MTHFD2L: variants seen among roughly 807,000 people sequenced by gnomAD.
MTHFD2L encodes methylenetetrahydrofolate dehydrogenase (NADP+ dependent) 2 like, also known as bifunctional methylenetetrahydrofolate dehydrogenase/cyclohydrolase 2, mitochondrial.
In MTHFD2L, 29 loss-of-function variants were observed where a neutral mutation model predicts 34.9. The ratio of observed to expected loss-of-function variants is 0.83; its 90% CI spans 0.62 to 1.13. The LOEUF (loss-of-function observed/expected upper bound fraction) is 1.13. MTHFD2L is among the 50% of genes most tolerant of loss of function. The probability of loss-of-function intolerance (pLI) is 0.00; values close to 1 mark genes in which losing one functional copy is unlikely to be tolerated. For synonymous variants in MTHFD2L, 167 were observed against 155.7 expected (o/e 1.07, Z -0.54); for missense variants, 481 against 446.5 (o/e 1.08, Z -0.70).
chr4:74,267,081 C>T (rs7665105), intron 6 of MTHFD2L: 258,752 of 984,182 alleles, frequency 0.26, 40,989 homozygotes, highest in African/African-American at 0.73. Flanking sequence ...TCCTTTTACA[C>T]ACTGAGCTTG....
At chr4:74,252,494 TAAA>T (rs776051383) in intron 6 of MTHFD2L, among the ~76,000 whole-genome samples, 2 of 151,434 alleles carry the variant, frequency 1.3e-5, no homozygotes, top group South Asian at 4.2e-4. Context: ...ATTATGAAGA[TAAA>T]AAAGGGATTA....
chr4:74,231,485 T>C (rs1046843667), intron 6 of MTHFD2L, among the ~76,000 whole-genome samples: 2 of 152,178 alleles, frequency 1.3e-5, no homozygotes, highest in African/African-American at 4.8e-5. Flanking sequence ...ATGGCTTCAC[T>C]CATACTATAG....
intron 5 of MTHFD2L, among the ~76,000 whole-genome samples, chr4:74,216,552 A>G (rs906361382): frequency 8.6e-5 from 13 of 151,856 alleles, no homozygotes; most frequent in Middle Eastern, 3.4e-3. Flanking sequence ...AGCTTTAAAT[A>G]TCATTTCTAT....
chr4:74,154,553 C>A (rs1724133381), upstream of MTHFD2L, among the ~76,000 whole-genome samples: 1 of 152,070 alleles, frequency 6.6e-6, no homozygotes, highest in African/African-American at 2.4e-5. Flanking sequence ...CTTTATTTTA[C>A]TACTCAAATT....
intron 3 of MTHFD2L, chr4:74,195,260 T>C (rs749024648): frequency 1.3e-5 from 2 of 152,210 alleles, no homozygotes; most frequent in Non-Finnish European, 2.9e-5. Context: ...GTTTGCAATT[T>C]TTAAGGTAAT....
At chr4:74,261,443 C>A (rs1192196791) in intron 6 of MTHFD2L, among the ~76,000 whole-genome samples, 1 of 151,954 alleles carries the variant, frequency 6.6e-6, no homozygotes, top group African/African-American at 2.4e-5. Context: ...ATAGAAAGAA[C>A]TTTTCAAATA....
rs907781517 is a variant in MTHFD2L, at chr4:74,302,751, T to A, written c.*942T>A. 6.6e-6 allele frequency: 1 copy of A among 152,192 alleles called. No homozygotes were observed. Among genetic ancestry groups the A allele is most frequent in the Non-Finnish European group, 1.5e-5 (1 of 68,028 alleles). The allele number at this position is 152,192 out of a possible 1,614,324, so 9.4% of individuals were successfully genotyped here. A position where few individuals can be genotyped will look rare whatever the true frequency, so the allele number is the denominator to read the frequency against. On this transcript the variant is annotated 3_prime_UTR_variant, in exon 8 of 8. Coordinates refer to ENST00000325278, the MANE Select transcript of MTHFD2L (RefSeq NM_001144978.3). ...TAATAGGAAAACATGATACTTTCAA[T>A]GTGCCAAAACTAAACCTTAGTATAC...
upstream of MTHFD2L, among the ~76,000 whole-genome samples, chr4:74,153,942 T>C (rs1724094859): frequency 1.3e-5 from 2 of 152,212 alleles, no homozygotes; most frequent in Admixed American, 6.5e-5. Flanking sequence ...CTTCTTCGTT[T>C]TTCTGTAATG....
At chr4:74,166,123 A>G (rs1441689120) in intron 1 of MTHFD2L, among the ~76,000 whole-genome samples, 3 of 152,222 alleles carry the variant, frequency 2.0e-5, no homozygotes, top group Non-Finnish European at 4.4e-5. Context: ...AGATGTATTT[A>G]TTTACTAATT....
intron 2 of MTHFD2L, 64 bp downstream of exon 2, chr4:74,174,754 A>T: frequency 1.8e-6 from 2 of 1,115,206 alleles, no homozygotes; most frequent in Non-Finnish European, 2.4e-6. Flanking sequence ...TCAAATTGTG[A>T]TAATTATGAA....
upstream of MTHFD2L, chr4:74,158,021 C>T: frequency 1.4e-6 from 2 of 1,449,278 alleles, no homozygotes; most frequent in African/African-American, 2.8e-5. Context: ...CGGAACCTGG[C>T]TGGGAAGCGC....
At chr4:74,225,690 G>T (rs1478591384) in intron 6 of MTHFD2L, among the ~76,000 whole-genome samples, 1 of 152,136 alleles carries the variant, frequency 6.6e-6, no homozygotes, top group African/African-American at 2.4e-5. Flanking sequence ...ACGGAAAAAG[G>T]TTGGTGCAGG....
chr4:74,166,869 C>T (rs979367885), intron 1 of MTHFD2L, among the ~76,000 whole-genome samples: 1 of 152,210 alleles, frequency 6.6e-6, no homozygotes, highest in African/African-American at 2.4e-5. Context: ...CCAAACTCTG[C>T]ACCCAACCCC....
At chr4:74,125,649 T>C (rs914910412) in intron 1 of MTHFD2L, 3 of 152,170 alleles carry the variant, frequency 2.0e-5, no homozygotes, top group Non-Finnish European at 4.4e-5. Context: ...TTTTTGCTTC[T>C]ATTTAAAAGC....
intron 1 of MTHFD2L, among the ~76,000 whole-genome samples, chr4:74,137,375 G>C (rs1229615794): frequency 6.6e-6 from 1 of 152,098 alleles, no homozygotes; most frequent in Non-Finnish European, 1.5e-5. Context: ...ATGCTCAACA[G>C]TACTATATAT....
chr4:74,204,073 T>G (rs1734905674), intron 5 of MTHFD2L, among the ~76,000 whole-genome samples: 1 of 152,124 alleles, frequency 6.6e-6, no homozygotes, highest in South Asian at 2.1e-4. Flanking sequence ...CTTTAGAGAC[T>G]TCAGAGGACT....
chr4:74,199,253 A>G (rs751590262), intron 3 of MTHFD2L, among the ~76,000 whole-genome samples: 6 of 152,046 alleles, frequency 3.9e-5, no homozygotes, highest in East Asian at 3.8e-4. Flanking sequence ...CACTGTGACA[A>G]TGCTTTAGAG....
intron 1 of MTHFD2L, among the ~76,000 whole-genome samples, chr4:74,134,717 A>C (rs146001713): frequency 6.6e-6 from 1 of 152,162 alleles, no homozygotes; most frequent in South Asian, 2.1e-4. Context: ...GTTATCTCTA[A>C]GATAACACAG....
chr4:74,270,838 T>C (rs1233828819), intron 6 of MTHFD2L, among the ~76,000 whole-genome samples: 1 of 151,962 alleles, frequency 6.6e-6, no homozygotes, highest in Non-Finnish European at 1.5e-5. Flanking sequence ...ACCTGTTGTT[T>C]CCTGACTTTT....
Sources: allele counts gnomAD v4.1 joint callset (sites outside exome capture counted in the v4.1 genomes callset), GRCh38; gene constraint gnomAD v4.1.1; transcripts MANE v1.5; gene names NCBI Gene and HGNC (gene_info 2026-07-23, HGNC 2026-07-21).